STAB2: variants seen among roughly 807,000 people sequenced by gnomAD.
STAB2 encodes stabilin-2.
A neutral mutation model predicts 338.1 loss-of-function variants in STAB2; 288 were observed. That is an observed-to-expected ratio of 0.85 (90% confidence interval 0.77 to 0.94). STAB2 has a LOEUF of 0.94. STAB2 is among the 40% of genes least tolerant of loss of function. STAB2 has a pLI of 0.00. For synonymous variants in STAB2, 1,202 were observed against 1,193.3 expected (o/e 1.01, Z -0.15); for missense variants, 3,141 against 3,210.1 (o/e 0.98, Z 0.52).
chr12:103,739,566 TGTGTGTGC>T, intron 54 of STAB2, 98 bp downstream of exon 54: 2 of 778,650 alleles, frequency 2.6e-6, no homozygotes, highest in African/African-American at 1.9e-5. Context: ...TGTGTGTGTG[TGTGTGTGC>T]CCGTGCACGT....
intron 25 of STAB2, among the ~76,000 whole-genome samples, chr12:103,681,851 C>T (rs1351625228): frequency 6.6e-6 from 1 of 151,924 alleles, no homozygotes; most frequent in East Asian, 1.9e-4. Context: ...GATGTCTTCA[C>T]CTCATGATCT....
chr12:103,674,083 G>A lies in STAB2; in HGVS notation c.2548G>A (p.Ala850Thr). The A allele has an allele frequency of 6.2e-7, 1 of 1,608,234 alleles. No homozygotes were observed. Among genetic ancestry groups the A allele is most frequent in the Non-Finnish European group, 8.5e-7 (1 of 1,175,464 alleles). ...CACCTGTGAATACAGCAATGGGACA[G>A]CCAGGTAGGTCTGTGAGGGAATGGC... ...HATCEYSNGT[A>T]SCICKAGYEG... The change falls in exon 23 of 69, where the codon GCC (alanine) becomes ACC (threonine). Residue 850 changes from alanine to threonine, a missense_variant. Physicochemically the swap from Ala to Thr is moderately conservative, Grantham distance 58. Transcript: ENST00000388887.
chr12:103,728,811 C>G (rs781328714), intron 47 of STAB2, 38 bp from the exon 48 acceptor site: 1 of 1,610,490 alleles, frequency 6.2e-7, no homozygotes, highest in East Asian at 2.2e-5. Flanking sequence ...GCAAAAGACT[C>G]CTGCCTCTGG....
chr12:103,683,321 T>G, intron 26 of STAB2, 21 bp downstream of exon 26: 1 of 1,553,258 alleles, frequency 6.4e-7, no homozygotes, highest in African/African-American at 1.4e-5. Context: ...TAACCTTGTT[T>G]TTCATTACTT....
intron 20 of STAB2, 171 bp downstream of exon 20, chr12:103,668,900 T>G: frequency 1.7e-6 from 1 of 591,736 alleles, no homozygotes; most frequent in East Asian, 2.9e-5. Context: ...CTCTGTCCTT[T>G]CCTGCATCAC....
chr12:103,755,289 T>C lies in STAB2; in HGVS notation c.6715-13T>C, dbSNP rs1566080461. On this transcript the variant is annotated splice_polypyrimidine_tract_variant and intron_variant, in intron 61 of 68. Coordinates refer to ENST00000388887, the MANE Select transcript of STAB2 (RefSeq NM_017564.10). ...CTTGCAGCTGACCCATGGCCCTGTCTGTATCCCTGCAGGCCAAGTACCACC... is the reference window on the plus strand; with the variant it reads ...CTTGCAGCTGACCCATGGCCCTGTCCGTATCCCTGCAGGCCAAGTACCACC... 1 of 1,613,186 alleles carries C rather than the reference T, an allele frequency of 6.2e-7. No homozygotes were observed. The highest frequency in any genetic ancestry group is 2.2e-5 in the East Asian group (1 of 44,860).
At chr12:103,669,046 C>A (rs563864806) in intron 20 of STAB2, among the ~76,000 whole-genome samples, 17 of 152,296 alleles carry the variant, frequency 1.1e-4, no homozygotes, top group African/African-American at 3.8e-4. Flanking sequence ...TTGCCATTCC[C>A]TCCCTCTGAA....
chr12:103,684,260 T>C (rs1213030040), intron 26 of STAB2, among the ~76,000 whole-genome samples: 2 of 152,166 alleles, frequency 1.3e-5, no homozygotes, highest in Non-Finnish European at 2.9e-5. Context: ...GAGGAAAGGA[T>C]CTAACTGGCC....
chr12:103,741,315 C>A (rs1882567340), intron 55 of STAB2, among the ~76,000 whole-genome samples: 1 of 152,164 alleles, frequency 6.6e-6, no homozygotes, highest in Non-Finnish European at 1.5e-5. Context: ...GTAACAAATG[C>A]CTCAAAAGCA....
chr12:103,722,998 C>T (rs1391784634), intron 44 of STAB2, among the ~76,000 whole-genome samples: 4 of 152,134 alleles, frequency 2.6e-5, no homozygotes, highest in Admixed American at 2.6e-4. Context: ...GTTGTTAGTA[C>T]ACTTGTTAAA....
intron 40 of STAB2, 70 bp downstream of exon 40, chr12:103,711,586 C>A: frequency 6.5e-7 from 1 of 1,548,026 alleles, no homozygotes; most frequent in Non-Finnish European, 8.8e-7. Context: ...CTACCCTAGT[C>A]TCTATCCTCA....
chr12:103,608,882 T>C (rs982181379), intron 3 of STAB2, among the ~76,000 whole-genome samples: 1 of 152,258 alleles, frequency 6.6e-6, no homozygotes, highest in African/African-American at 2.4e-5. Flanking sequence ...AAGGAAGAGA[T>C]CCAGTTTCAG....
chr12:103,699,051 T>A lies in STAB2; in HGVS notation c.3583-45T>A, dbSNP rs1211033747. 3 of 1,574,326 alleles carry A rather than the reference T, an allele frequency of 1.9e-6. No homozygotes were observed. In the East Asian group the frequency reaches 6.8e-5, roughly 36 times the overall value. ...GCACATGGGAGAAGCTGGGTAACTGTCAGGCTGATCTCTTGACTGACTTCC... is the reference window on the plus strand; with the variant it reads ...GCACATGGGAGAAGCTGGGTAACTGACAGGCTGATCTCTTGACTGACTTCC... On this transcript the variant is annotated intron_variant, in intron 33 of 68. Coordinates refer to ENST00000388887, the MANE Select transcript of STAB2 (RefSeq NM_017564.10).
intron 47 of STAB2, among the ~76,000 whole-genome samples, chr12:103,728,300 G>T (rs1881370228): frequency 6.6e-6 from 1 of 152,044 alleles, no homozygotes; most frequent in African/African-American, 2.4e-5. Flanking sequence ...AGTAGAGATG[G>T]TGTTTTACCA....
chr12:103,673,869 C>A, intron 22 of STAB2, 38 bp from the exon 23 acceptor site: 1 of 1,586,074 alleles, frequency 6.3e-7, no homozygotes, highest in East Asian at 2.3e-5. Context: ...GGCTTGTCCC[C>A]AAGGCCTGGA....
chr12:103,753,769 G>C (rs1883876330), intron 61 of STAB2, among the ~76,000 whole-genome samples: 1 of 152,192 alleles, frequency 6.6e-6, no homozygotes, highest in Admixed American at 6.5e-5. Flanking sequence ...GTGGAGACTG[G>C]AAGTGCATCC....
In STAB2 at chr12:103,590,942, T is replaced by G; in HGVS notation, c.127T>G (p.Cys43Gly). ...GTCTCTTCTTACAATTAGGACCGAG[T>G]GCCGATCCTGCGCTCTCAACCTTGG... ...RKSLLTIRTE[C>G]RSCALNLGVK... Residue 43 changes from cysteine to glycine, a missense_variant, in exon 2 of 69, where the codon TGC becomes GGC. By Grantham distance (159) the Cys-to-Gly change is radical (BLOSUM62 -3). Transcript: ENST00000388887. The G allele has an allele frequency of 6.2e-7, 1 of 1,613,992 alleles. No individual in the cohort carries two copies. The highest frequency in any genetic ancestry group is 1.1e-5 in the South Asian group (1 of 91,064).
At chr12:103,669,763 G>A (rs561335135) in intron 21 of STAB2, 136 bp downstream of exon 21, 2 of 706,352 alleles carry the variant, frequency 2.8e-6, no homozygotes, top group Non-Finnish European at 2.4e-6. Flanking sequence ...AGAACAGCAG[G>A]TGTCTGCAGT....
intron 44 of STAB2, among the ~76,000 whole-genome samples, chr12:103,719,988 T>G (rs1193603817): frequency 6.6e-6 from 1 of 152,218 alleles, no homozygotes. Flanking sequence ...ATGAGAACAG[T>G]GCAGACGCCC....
Sources: allele counts gnomAD v4.1 joint callset (sites outside exome capture counted in the v4.1 genomes callset), GRCh38; gene constraint gnomAD v4.1.1; transcripts MANE v1.5; gene names NCBI Gene and HGNC (gene_info 2026-07-23, HGNC 2026-07-21).